Variants in ABCB1 observed in about 807,000 individuals in gnomAD.
The protein encoded by ABCB1 is ATP binding cassette subfamily B member 1, also known as ATP-dependent translocase ABCB1.
Under a neutral mutation model 142.0 loss-of-function variants are expected in ABCB1, and 69 were observed. That is an observed-to-expected ratio of 0.49 (90% CI 0.40 to 0.59). The LOEUF is 0.59. ABCB1 is among the 20% of genes least tolerant of loss of function. The probability of loss-of-function intolerance (pLI) is 0.00; values close to 1 mark genes in which losing one functional copy is unlikely to be tolerated. For synonymous variants in ABCB1, 532 were observed against 539.2 expected, an observed-to-expected ratio of 0.99 and a Z score of 0.18; for missense variants, 1,326 against 1,554.7, an observed-to-expected ratio of 0.85 and a Z score of 2.47.
chr7:87,539,148 G>A (rs991634160), intron 19 of ABCB1, 120 bp downstream of exon 19: 18 of 1,074,962 alleles, frequency 1.7e-5, no homozygotes, highest in Admixed American at 9.7e-5. Context: ...ACGTGAGACT[G>A]AGGGACAACC....
intron 1 of ABCB1, among the ~76,000 whole-genome samples, chr7:87,632,887 T>C (rs565377110): frequency 3.3e-5 from 5 of 152,350 alleles, no homozygotes; most frequent in African/African-American, 1.2e-4. Flanking sequence ...TTTAAGTCAA[T>C]ACTTTTAAGA....
chr7:87,531,347 T>A lies in ABCB1; in HGVS notation c.2632A>T (p.Met878Leu), dbSNP rs1356091019. 1 of 1,613,504 alleles carries A rather than the reference T, an allele frequency of 6.2e-7. No individual in the cohort carries two copies. Residue 878 changes from methionine to leucine, a missense_variant, in exon 21 of 28, where the codon ATG becomes TTG. Met to Leu is a conservative substitution (Grantham distance 15, BLOSUM62 2). Transcript: ENST00000622132. ...TCTTTCAGTGCTTGTCCAGACAACA[T>A]TTTCATTTCAACAACTCCTGCTATT... ...IAIAGVVEMK[M>L]LSGQALKDKK...
chr7:87,579,769 G>T (rs537340643), intron 4 of ABCB1, among the ~76,000 whole-genome samples: 1 of 151,906 alleles, frequency 6.6e-6, no homozygotes, highest in Admixed American at 6.5e-5. Flanking sequence ...GATCTTCTCT[G>T]GTGGTATGTT....
chr7:87,685,897 A>G (rs1043352461), intron 1 of ABCB1, among the ~76,000 whole-genome samples: 1 of 152,224 alleles, frequency 6.6e-6, no homozygotes, highest in Admixed American at 6.5e-5. Flanking sequence ...TATAATATGT[A>G]AGATTCTAAC....
intron 5 of ABCB1, among the ~76,000 whole-genome samples, chr7:87,568,176 A>G (rs1189449550): frequency 6.6e-6 from 1 of 150,804 alleles, no homozygotes; most frequent in African/African-American, 2.4e-5. Context: ...TGGGCGGATC[A>G]TGAAGTCAGG....
intron 1 of ABCB1, among the ~76,000 whole-genome samples, chr7:87,654,327 A>G (rs912063749): frequency 6.6e-6 from 1 of 151,984 alleles, no homozygotes; most frequent in East Asian, 1.9e-4. Flanking sequence ...CTTGACTTCA[A>G]AATATACTGC....
chr7:87,690,673 G>T (rs1470702161), intron 1 of ABCB1, among the ~76,000 whole-genome samples: 1 of 152,046 alleles, frequency 6.6e-6, no homozygotes, highest in East Asian at 1.9e-4. Flanking sequence ...TTCCTCCTAT[G>T]TAAATACAAA....
At chr7:87,512,731 A>G (rs142549689) in intron 25 of ABCB1, among the ~76,000 whole-genome samples, 56 of 152,104 alleles carry the variant, frequency 3.7e-4, no homozygotes, top group African/African-American at 1.2e-3. Context: ...TTTATTGTGG[A>G]CACTTTCTGC....
chr7:87,547,861 A>AC (rs1816854162), intron 14 of ABCB1, among the ~76,000 whole-genome samples: 2 of 147,526 alleles, frequency 1.4e-5, no homozygotes. Flanking sequence ...AAAAAAAAAA[A>AC]AAAAAAAAAA....
chr7:87,520,519 T>A (rs1360801228), intron 22 of ABCB1, among the ~76,000 whole-genome samples: 1 of 152,204 alleles, frequency 6.6e-6, no homozygotes, highest in Non-Finnish European at 1.5e-5. Flanking sequence ...GGACATCAGA[T>A]AGTCATTCTC....
At chr7:87,630,800 C>T (rs1469899240) in intron 1 of ABCB1, among the ~76,000 whole-genome samples, 4 of 149,846 alleles carry the variant, frequency 2.7e-5, no homozygotes, top group Non-Finnish European at 4.4e-5. Context: ...CCATTTTTGT[C>T]TTGGCTGGCT....
chr7:87,703,885 C>CTTTTTTTTTTT, intron 1 of ABCB1, among the ~76,000 whole-genome samples: 62 of 60,256 alleles, frequency 1.0e-3, no homozygotes, highest in Non-Finnish European at 1.3e-3. Context: ...TCAGTTTTTT[C>CTTTTTTTTTTT]TTTTTTTTTT....
chr7:87,570,132 A>T (rs1817978545), intron 5 of ABCB1, 40 bp downstream of exon 5: 3 of 1,559,704 alleles, frequency 1.9e-6, no homozygotes, highest in Non-Finnish European at 1.8e-6. Context: ...CTTGATGAAT[A>T]TAGAAAAACT....
intron 1 of ABCB1, among the ~76,000 whole-genome samples, chr7:87,702,166 A>AC (rs1829133932): frequency 6.7e-6 from 1 of 149,360 alleles, no homozygotes; most frequent in African/African-American, 2.5e-5. Context: ...AAAAAAAAAA[A>AC]AAAAAACAGA....
intron 1 of ABCB1, among the ~76,000 whole-genome samples, chr7:87,666,195 A>T (rs1825229125): frequency 6.6e-6 from 1 of 152,112 alleles, no homozygotes; most frequent in Admixed American, 6.6e-5. Flanking sequence ...CTGGTGTGAG[A>T]TGGTATCTCA....
chr7:87,654,196 A>C (rs1823855105), intron 1 of ABCB1, among the ~76,000 whole-genome samples: 1 of 152,024 alleles, frequency 6.6e-6, no homozygotes, highest in South Asian at 2.1e-4. Context: ...TCTCCACCAA[A>C]ATTTCAGGGT....
intron 1 of ABCB1, chr7:87,713,012 CT>C (rs1830225751): frequency 6.6e-6 from 1 of 152,038 alleles, no homozygotes; most frequent in Admixed American, 6.6e-5. Flanking sequence ...TTTTCTCCCC[CT>C]ATTTACACTA....
At chr7:87,652,600 C>T (rs1823681802) in intron 1 of ABCB1, among the ~76,000 whole-genome samples, 1 of 132,976 alleles carries the variant, frequency 7.5e-6, no homozygotes, top group South Asian at 2.2e-4. Context: ...AAATTTCTGT[C>T]AGTTGACTCT....
At chr7:87,647,077 A>G (rs1460055739) in intron 1 of ABCB1, among the ~76,000 whole-genome samples, 1 of 152,166 alleles carries the variant, frequency 6.6e-6, no homozygotes, top group African/African-American at 2.4e-5. Flanking sequence ...AAATTATTTG[A>G]GTGATTATAT....
Sources: gnomAD v4.1 joint callset for allele counts (sites outside exome capture counted in the v4.1 genomes callset) on GRCh38, gnomAD v4.1.1 for gene constraint, MANE v1.5 for transcripts, NCBI Gene and HGNC (gene_info 2026-07-23, HGNC 2026-07-21) for gene names.